KIF16B: variants seen among roughly 807,000 people sequenced by gnomAD.
KIF16B encodes the protein kinesin family member 16B.
Under a neutral mutation model 156.3 loss-of-function variants are expected in KIF16B, and 98 were observed. The observed-to-expected ratio is 0.63, with a 90% CI of 0.53 to 0.74. The LOEUF (loss-of-function observed/expected upper bound fraction) is 0.74. Ranked by LOEUF, KIF16B falls within the 30% of genes least tolerant of loss-of-function variation. The pLI, the probability that KIF16B is intolerant of heterozygous loss-of-function variation, is 0.00. For synonymous variants in KIF16B, 564 were observed against 583.7 expected (o/e 0.97, Z 0.49); for missense variants, 1,421 against 1,606.5 (o/e 0.88, Z 1.97).
At chr20:16,347,428 T>C (rs902027407) in intron 23 of KIF16B, among the ~76,000 whole-genome samples, 13 of 152,238 alleles carry the variant, frequency 8.5e-5, no homozygotes, top group African/African-American at 2.9e-4. Context: ...TAACTGCTTT[T>C]CTTCTGTGCT....
chr20:16,486,218 T>C (rs1207714499), intron 12 of KIF16B, among the ~76,000 whole-genome samples: 1 of 152,112 alleles, frequency 6.6e-6, no homozygotes. Flanking sequence ...TCACTGGGTA[T>C]ACCTTGTGTC....
intron 14 of KIF16B, among the ~76,000 whole-genome samples, chr20:16,428,479 G>A (rs2146428676): frequency 6.6e-6 from 1 of 152,224 alleles, no homozygotes; most frequent in South Asian, 2.1e-4. Context: ...AGACTTTCAG[G>A]AAACCTAAAA....
At chr20:16,559,146 C>T (rs191598095) in intron 1 of KIF16B, among the ~76,000 whole-genome samples, 103 of 152,186 alleles carry the variant, frequency 6.8e-4, no homozygotes, top group African/African-American at 2.3e-3. Context: ...ATACTTGCCA[C>T]ACCACTGAGA....
At chr20:16,298,038 C>A (rs1475420307) in intron 25 of KIF16B, among the ~76,000 whole-genome samples, 7 of 152,206 alleles carry the variant, frequency 4.6e-5, no homozygotes, top group Admixed American at 4.6e-4. Context: ...GGTCCAAAGT[C>A]ATGGAGATGG....
At chr20:16,546,546 C>T (rs1421771348) in intron 1 of KIF16B, among the ~76,000 whole-genome samples, 1 of 152,210 alleles carries the variant, frequency 6.6e-6, no homozygotes, top group Non-Finnish European at 1.5e-5. Flanking sequence ...CATAACCTTT[C>T]TGACCCTTTC....
chr20:16,441,686 T>C (rs2066804826), intron 12 of KIF16B, among the ~76,000 whole-genome samples: 1 of 152,206 alleles, frequency 6.6e-6, no homozygotes, highest in East Asian at 1.9e-4. Flanking sequence ...TATGATTTTC[T>C]GTATCCTCCA....
chr20:16,393,168 G>A (rs1009836607), intron 17 of KIF16B, among the ~76,000 whole-genome samples: 169 of 151,996 alleles, frequency 1.1e-3, no homozygotes, highest in Non-Finnish European at 5.3e-4. Context: ...TTAAATATAT[G>A]TACTTAAAAT....
At chr20:16,335,308 A>G (rs1466756876) in intron 24 of KIF16B, among the ~76,000 whole-genome samples, 1 of 152,224 alleles carries the variant, frequency 6.6e-6, no homozygotes, top group Non-Finnish European at 1.5e-5. Context: ...TCCTTCTAGG[A>G]ATACTTTGCT....
At chr20:16,532,436 C>T (rs1296175990) in intron 1 of KIF16B, among the ~76,000 whole-genome samples, 1 of 152,186 alleles carries the variant, frequency 6.6e-6, no homozygotes, top group Non-Finnish European at 1.5e-5. Context: ...AAAATGCTTC[C>T]ACTCCAACCC....
intron 10 of KIF16B, among the ~76,000 whole-genome samples, chr20:16,502,635 C>G (rs1415650171): frequency 6.6e-6 from 1 of 152,052 alleles, no homozygotes; most frequent in African/African-American, 2.4e-5. Context: ...TATAAGGCAA[C>G]TATATGGCAT....
At chr20:16,383,915 T>C (rs2065165146) in intron 17 of KIF16B, among the ~76,000 whole-genome samples, 1 of 152,208 alleles carries the variant, frequency 6.6e-6, no homozygotes, top group South Asian at 2.1e-4. Flanking sequence ...CATCTGAGGA[T>C]TGTTTCTAGA....
chr20:16,544,939 G>A (rs1470753873), intron 1 of KIF16B, among the ~76,000 whole-genome samples: 12 of 152,154 alleles, frequency 7.9e-5, no homozygotes, highest in Non-Finnish European at 1.3e-4. Flanking sequence ...TCTTAAACTC[G>A]AGCACTAAAG....
At chr20:16,516,641 C>T (rs1361549612) in intron 3 of KIF16B, among the ~76,000 whole-genome samples, 1 of 152,164 alleles carries the variant, frequency 6.6e-6, no homozygotes, top group African/African-American at 2.4e-5. Context: ...AGCATCCCTA[C>T]AGGAGCATTC....
chr20:16,457,699 C>G (rs1166269425), intron 12 of KIF16B, among the ~76,000 whole-genome samples: 1 of 152,146 alleles, frequency 6.6e-6, no homozygotes, highest in East Asian at 1.9e-4. Context: ...CTCATGGAAT[C>G]TTACAGTTTC....
intron 15 of KIF16B, among the ~76,000 whole-genome samples, chr20:16,406,688 C>G (rs1276304917): frequency 2.6e-5 from 4 of 152,056 alleles, no homozygotes; most frequent in Non-Finnish European, 4.4e-5. Flanking sequence ...CCATAATATC[C>G]AGCAGAAGTG....
rs116524903 is a variant in KIF16B, at chr20:16,288,105, A to G, written c.3796-14694T>C. Among the ~76,000 whole-genome samples, 316 of 152,312 alleles carry G rather than the reference A, an allele frequency of 2.1e-3. 1 individual carries two copies. The highest frequency in any genetic ancestry group is 7.0e-3 in the African/African-American group (291 of 41,572). On this transcript the variant is annotated intron_variant, in intron 25 of 25. Transcript: ENST00000354981. ...GACTCAACTTCTTCAGCACTGGAAG[A>G]AGCCTAGGAGAGCCCTGGAGGCACA...
chr20:16,376,002 T>C (rs1026707822), intron 19 of KIF16B, among the ~76,000 whole-genome samples: 3 of 152,184 alleles, frequency 2.0e-5, no homozygotes, highest in Non-Finnish European at 4.4e-5. Context: ...GTGACACTCA[T>C]CCCCAGTGGT....
intron 12 of KIF16B, among the ~76,000 whole-genome samples, chr20:16,469,847 G>A (rs373324001): frequency 3.9e-5 from 6 of 152,160 alleles, no homozygotes; most frequent in East Asian, 3.9e-4. Context: ...AGCTGAAAAC[G>A]TATGTCTACA....
intron 24 of KIF16B, among the ~76,000 whole-genome samples, chr20:16,329,929 A>G (rs2063919211): frequency 6.6e-6 from 1 of 152,260 alleles, no homozygotes; most frequent in Admixed American, 6.5e-5. Flanking sequence ...ATGTTCGTAT[A>G]TGATTGAAGA....
Sources: allele counts gnomAD v4.1 joint callset (sites outside exome capture counted in the v4.1 genomes callset), GRCh38; gene constraint gnomAD v4.1.1; transcripts MANE v1.5; gene names NCBI Gene and HGNC (gene_info 2026-07-23, HGNC 2026-07-21).